CXCL13: variants seen among roughly 807,000 people sequenced by gnomAD.
The protein encoded by CXCL13 is C-X-C motif chemokine ligand 13.
Under a neutral mutation model 12.2 loss-of-function variants are expected in CXCL13, and 7 were observed. The ratio of observed to expected loss-of-function variants is 0.57; its 90% CI spans 0.33 to 1.07. The LOEUF (loss-of-function observed/expected upper bound fraction) is 1.07. Ranked by LOEUF, CXCL13 falls within the 50% of genes least tolerant of loss-of-function variation. The pLI is 0.04. For synonymous variants in CXCL13, 47 were observed against 42.4 expected (o/e 1.11, Z -0.42); for missense variants, 113 against 127.4 (o/e 0.89, Z 0.55).
At chr4:77,511,986 A>T (rs139987499) in intron 1 of CXCL13, among the ~76,000 whole-genome samples, 3 of 152,334 alleles carry the variant, frequency 2.0e-5, no homozygotes, top group Non-Finnish European at 4.4e-5. Context: ...TTGTTGGAGC[A>T]CTGTGCCATG....
chr4:77,543,334 G>T (rs182441785), intron 1 of CXCL13, among the ~76,000 whole-genome samples: 79 of 151,912 alleles, frequency 5.2e-4, no homozygotes, highest in African/African-American at 1.7e-3. Context: ...TTGATTCTTT[G>T]TATGGATTTT....
chr4:77,531,133 C>T (rs1010539048), intron 1 of CXCL13, among the ~76,000 whole-genome samples: 4 of 128,592 alleles, frequency 3.1e-5, no homozygotes, highest in African/African-American at 8.6e-5. Flanking sequence ...TTATTATTAT[C>T]ATTATTATAC....
intron 1 of CXCL13, among the ~76,000 whole-genome samples, chr4:77,580,960 CA>C (rs148837700): frequency 4.7e-5 from 7 of 148,958 alleles, no homozygotes; most frequent in Non-Finnish European, 7.4e-5. Context: ...AAAACAAAAA[CA>C]AAAAAAAACC....
chr4:77,564,305 T>A (rs1725876348), intron 1 of CXCL13, among the ~76,000 whole-genome samples: 1 of 152,154 alleles, frequency 6.6e-6, no homozygotes, highest in Non-Finnish European at 1.5e-5. Flanking sequence ...AGCCGTGGTA[T>A]CAGGACGTTC....
chr4:77,531,620 T>C (rs1354103382), intron 1 of CXCL13, among the ~76,000 whole-genome samples: 1 of 152,158 alleles, frequency 6.6e-6, no homozygotes, highest in Non-Finnish European at 1.5e-5. Flanking sequence ...TCTGTCTCAT[T>C]GATCTGTCTA....
intron 1 of CXCL13, 35 bp downstream of exon 1, chr4:77,605,964 A>G (rs1283720056): frequency 6.8e-7 from 1 of 1,479,048 alleles, no homozygotes; most frequent in African/African-American, 1.4e-5. Context: ...CTGTTTGTTG[A>G]ACAGAAATAG....
intron 1 of CXCL13, among the ~76,000 whole-genome samples, chr4:77,528,952 TG>T (rs1291596926): frequency 1.3e-5 from 2 of 152,332 alleles, no homozygotes; most frequent in Non-Finnish European, 2.9e-5. Flanking sequence ...AATTAATTTT[TG>T]TATAAGGTGT....
intron 1 of CXCL13, among the ~76,000 whole-genome samples, chr4:77,590,648 A>G (rs1299558728): frequency 1.3e-5 from 2 of 152,192 alleles, no homozygotes; most frequent in African/African-American, 4.8e-5. Context: ...GTCCATTGGC[A>G]TGACAGTAGC....
At chr4:77,578,191 C>A (rs191752646) in intron 1 of CXCL13, among the ~76,000 whole-genome samples, 12 of 152,276 alleles carry the variant, frequency 7.9e-5, no homozygotes, top group Admixed American at 7.8e-4. Context: ...TTATCCACCC[C>A]CCTTGTTTTA....
intron 1 of CXCL13, among the ~76,000 whole-genome samples, chr4:77,564,441 G>A (rs1267875089): frequency 1.3e-5 from 2 of 152,192 alleles, no homozygotes; most frequent in Non-Finnish European, 2.9e-5. Flanking sequence ...CAAAAAGAAT[G>A]AGCCACTTGA....
intron 1 of CXCL13, among the ~76,000 whole-genome samples, chr4:77,590,187 A>T (rs1726572945): frequency 6.6e-6 from 1 of 152,240 alleles, no homozygotes; most frequent in Non-Finnish European, 1.5e-5. Context: ...TCCTAAATTT[A>T]TATATAAATT....
intron 1 of CXCL13, among the ~76,000 whole-genome samples, chr4:77,594,743 C>T (rs766338191): frequency 6.6e-6 from 1 of 152,086 alleles, no homozygotes; most frequent in Non-Finnish European, 1.5e-5. Context: ...ACACACTGTT[C>T]AGGCCTGTCG....
chr4:77,569,260 G>C (rs116523009), intron 1 of CXCL13, among the ~76,000 whole-genome samples: 2,252 of 152,236 alleles, frequency 0.015, 63 homozygotes, highest in African/African-American at 0.052. Context: ...GGAAGTCTTG[G>C]CCAGAGCAAT....
At chr4:77,512,332 G>A (rs1483738518) in intron 1 of CXCL13, among the ~76,000 whole-genome samples, 2 of 152,160 alleles carry the variant, frequency 1.3e-5, no homozygotes, top group Non-Finnish European at 2.9e-5. Flanking sequence ...GTAAATTTAT[G>A]TAATTCTATC....
At position 77,611,190 on chromosome 4, in the gene CXCL13, G is replaced by T; in HGVS notation, c.*151G>T. ...TAAAAATAACCTTGCAGAAGCTGAT[G>T]GGGCAAACTCAAGCTTCTTCACTCA... On this transcript the variant is annotated 3_prime_UTR_variant, in exon 4 of 4. Coordinates refer to ENST00000682537, the MANE Select transcript of CXCL13 (RefSeq NM_001371558.1). The T allele has an allele frequency of 1.6e-6, 1 of 644,772 alleles. No individual in the cohort carries two copies. The highest frequency in any genetic ancestry group is 2.6e-5 in the East Asian group (1 of 38,506). 39.9% of individuals were successfully genotyped at this position (644,772 alleles called of 1,614,324 possible).
intron 1 of CXCL13, among the ~76,000 whole-genome samples, chr4:77,576,432 T>C (rs1485629124): frequency 6.6e-6 from 1 of 152,242 alleles, no homozygotes; most frequent in Non-Finnish European, 1.5e-5. Context: ...CTTGCAAGTA[T>C]TCTTAACTTA....
At chr4:77,569,399 TAAAC>T (rs1458994074) in intron 1 of CXCL13, among the ~76,000 whole-genome samples, 1 of 152,134 alleles carries the variant, frequency 6.6e-6, no homozygotes, top group Non-Finnish European at 1.5e-5. Flanking sequence ...CTTGAGCTGA[TAAAC>T]AACTTCAGGA....
intron 1 of CXCL13, among the ~76,000 whole-genome samples, chr4:77,536,461 C>G (rs768538650): frequency 3.9e-5 from 6 of 152,148 alleles, no homozygotes; most frequent in Non-Finnish European, 5.9e-5. Flanking sequence ...GGTTCAAATC[C>G]TGGCTCTGCT....
At position 77,580,953 on chromosome 4, in the gene CXCL13, AC is replaced by A. The variant is rs1372694590; in HGVS notation, c.-42-24870del. On this transcript the variant is annotated intron_variant, in intron 1 of 4. Coordinates refer to the CXCL13 transcript ENST00000286758. ...CACATTCTCACTTCTTTACTTGAAA[AC>A]AAAAACAAAAAAAAACCTATCCCCT... Among the ~76,000 whole-genome samples, 5 of 148,924 alleles carry A rather than the reference AC, an allele frequency of 3.4e-5. No homozygotes were observed. The East Asian group carries it at 9.7e-4, about 29-fold the overall frequency.
Sources: allele counts gnomAD v4.1 joint callset (sites outside exome capture counted in the v4.1 genomes callset), GRCh38; gene constraint gnomAD v4.1.1; transcripts MANE v1.5; gene names NCBI Gene and HGNC (gene_info 2026-07-23, HGNC 2026-07-21).